Variants in PCDH15 observed in about 807,000 individuals in gnomAD.
The protein encoded by PCDH15 is protocadherin related 15, also known as protocadherin-15.
PCDH15 carries 129 observed loss-of-function variants against 178.5 expected under a neutral mutation model. That is an observed-to-expected ratio of 0.72 (90% CI 0.63 to 0.84). The LOEUF (loss-of-function observed/expected upper bound fraction) is 0.84. Ranked by LOEUF, PCDH15 falls within the 40% of genes least tolerant of loss-of-function variation. The probability of loss-of-function intolerance (pLI) is 0.00; values close to 1 mark genes in which losing one functional copy is unlikely to be tolerated. For missense variants in PCDH15, 2,230 were observed against 2,099.9 expected (o/e 1.06, Z -1.21); for synonymous variants, 800 against 732.0 (o/e 1.09, Z -1.50).
intron 2 of PCDH15, among the ~76,000 whole-genome samples, chr10:55,453,081 C>G (rs1273493976): frequency 6.6e-6 from 1 of 152,040 alleles, no homozygotes; most frequent in Non-Finnish European, 1.5e-5. Context: ...TATTCATTGT[C>G]ATATCTAAAA....
At chr10:54,152,131 C>T (rs1239925056) in intron 14 of PCDH15, among the ~76,000 whole-genome samples, 1 of 152,094 alleles carries the variant, frequency 6.6e-6, no homozygotes, top group African/African-American at 2.4e-5. Context: ...GCATTAATAC[C>T]TCCTACTGTG....
chr10:55,249,430 A>C (rs1046017448), intron 1 of PCDH15, among the ~76,000 whole-genome samples: 4 of 152,168 alleles, frequency 2.6e-5, no homozygotes, highest in Non-Finnish European at 4.4e-5. Context: ...TCTGTTCAAT[A>C]TTTAATACTC....
intron 2 of PCDH15, among the ~76,000 whole-genome samples, chr10:55,120,519 G>C (rs1414901634): frequency 6.6e-6 from 1 of 152,058 alleles, no homozygotes; most frequent in African/African-American, 2.4e-5. Context: ...TCCAATTTTG[G>C]AGAATAAATA....
intron 2 of PCDH15, among the ~76,000 whole-genome samples, chr10:54,933,107 T>C (rs1837823179): frequency 6.6e-6 from 1 of 152,208 alleles, no homozygotes; most frequent in Non-Finnish European, 1.5e-5. Flanking sequence ...TTATAGACTA[T>C]GAGCAATAAA....
chr10:55,500,018 A>G (rs1177913756), intron 2 of PCDH15, among the ~76,000 whole-genome samples: 2 of 151,782 alleles, frequency 1.3e-5, no homozygotes, highest in South Asian at 2.1e-4. Flanking sequence ...ACAAAATGTA[A>G]TATCTAAGAT....
At chr10:55,083,507 G>C (rs887836551) in intron 2 of PCDH15, among the ~76,000 whole-genome samples, 1 of 151,836 alleles carries the variant, frequency 6.6e-6, no homozygotes, top group Non-Finnish European at 1.5e-5. Flanking sequence ...TCTTGAACAG[G>C]ACAAGGATGC....
rs546890348 is a variant in PCDH15 at position 54,219,131 on chromosome 10, C to T, written c.986-5083G>A. On this transcript the variant is annotated intron_variant, in intron 9 of 37. Coordinates refer to ENST00000644397, the MANE Select transcript of PCDH15 (RefSeq NM_001384140.1). ...AACAAAAAAAAAACAAAAAATTAGC[C>T]GGGCGTGGTGGTGGGCACCTGTAGT... is the stretch of plus-strand genomic sequence containing the variant. Among the ~76,000 whole-genome samples, 300 of 147,930 alleles carry T rather than the reference C, an allele frequency of 2.0e-3. 1 individual carries two copies. The highest frequency in any genetic ancestry group is 3.1e-3 in the African/African-American group (126 of 40,168).
intron 5 of PCDH15, among the ~76,000 whole-genome samples, chr10:54,367,366 A>AG (rs148934612): frequency 0.15 from 22,090 of 152,054 alleles, 1,797 homozygotes; most frequent in Middle Eastern, 0.22. Flanking sequence ...ATATTTGAGA[A>AG]GTTACTGTTT....
intron 6 of PCDH15, among the ~76,000 whole-genome samples, chr10:54,341,450 C>T (rs977738644): frequency 6.6e-6 from 1 of 152,150 alleles, no homozygotes; most frequent in Non-Finnish European, 1.5e-5. Flanking sequence ...CCTGAGGTGT[C>T]CCTAGCCATT....
chr10:55,582,614 A>ATTTTTT (rs1433568928), intron 2 of PCDH15, among the ~76,000 whole-genome samples: 2 of 88,620 alleles, frequency 2.3e-5, no homozygotes, highest in Admixed American at 1.2e-4. Context: ...ATATATATAT[A>ATTTTTT]TATATATATA....
chr10:55,484,420 T>C (rs866552743), intron 2 of PCDH15, among the ~76,000 whole-genome samples: 2 of 151,944 alleles, frequency 1.3e-5, no homozygotes, highest in Middle Eastern at 3.4e-3. Flanking sequence ...AGTCATCCTA[T>C]CTTCATCCTA....
intron 3 of PCDH15, among the ~76,000 whole-genome samples, chr10:54,471,281 G>T (rs1030334040): frequency 5.9e-5 from 9 of 152,034 alleles, no homozygotes; most frequent in African/African-American, 2.2e-4. Context: ...ACAGGGGTTG[G>T]TCTTGCTGTC....
At chr10:54,505,661 G>A (rs1026975494) in intron 3 of PCDH15, among the ~76,000 whole-genome samples, 2 of 152,082 alleles carry the variant, frequency 1.3e-5, no homozygotes, top group African/African-American at 2.4e-5. Flanking sequence ...TCGGGGGCTA[G>A]GGAAGGGATA....
At position 54,022,770 on chromosome 10, in the gene PCDH15, T is replaced by C. The variant is rs552614563; in HGVS notation, c.2526+122A>G. ...AGAAATAATAAAAATTTATTCATTG[T>C]TTATCTGAAATTAAAATCCAACTTG... On this transcript the variant is annotated intron_variant, in intron 19 of 37. Transcript: ENST00000644397. The C allele has an allele frequency of 1.9e-4, 188 of 966,158 alleles. 1 individual carries two copies. In the African/African-American group the frequency reaches 2.6e-3, roughly 13 times the overall value. 59.8% of individuals were successfully genotyped at this position (966,158 alleles called of 1,614,324 possible).
intron 3 of PCDH15, among the ~76,000 whole-genome samples, chr10:54,482,483 G>A (rs1044274159): frequency 6.6e-6 from 1 of 151,748 alleles, no homozygotes; most frequent in Admixed American, 6.6e-5. Context: ...TAGGTAAGTA[G>A]AGAGTGTATT....
At chr10:55,461,923 T>C (rs968716045) in intron 2 of PCDH15, among the ~76,000 whole-genome samples, 18 of 152,128 alleles carry the variant, frequency 1.2e-4, no homozygotes, top group Non-Finnish European at 1.5e-4. Flanking sequence ...ATTCACTATT[T>C]TACCATAGAA....
At chr10:53,863,419 A>G (rs1005137699) in intron 27 of PCDH15, among the ~76,000 whole-genome samples, 9 of 152,154 alleles carry the variant, frequency 5.9e-5, no homozygotes, top group African/African-American at 1.7e-4. Flanking sequence ...CTGATGGTTC[A>G]AGTAAGATAA....
chr10:54,716,375 A>G (rs1054713849), intron 1 of PCDH15, among the ~76,000 whole-genome samples: 1 of 152,166 alleles, frequency 6.6e-6, no homozygotes, highest in Non-Finnish European at 1.5e-5. Context: ...AATGATATTG[A>G]TTCTTCCTAT....
intron 1 of PCDH15, among the ~76,000 whole-genome samples, chr10:54,703,794 A>T (rs372761488): frequency 5.7e-4 from 87 of 151,984 alleles, no homozygotes; most frequent in African/African-American, 1.9e-3. Flanking sequence ...AAAGTGCAAT[A>T]CTTCCCAAAG....
Sources: allele counts gnomAD v4.1 joint callset (sites outside exome capture counted in the v4.1 genomes callset), GRCh38; gene constraint gnomAD v4.1.1; transcripts MANE v1.5; gene names NCBI Gene and HGNC (gene_info 2026-07-23, HGNC 2026-07-21).